Variants in NUDT13 observed in about 807,000 individuals in gnomAD.
NUDT13 encodes the protein nudix hydrolase 13, also known as NAD(P)H pyrophosphatase NUDT13, mitochondrial.
In NUDT13, 40 loss-of-function variants were observed where a neutral mutation model predicts 41.7. The ratio of observed to expected loss-of-function variants is 0.96; its 90% CI spans 0.75 to 1.25. NUDT13 has a LOEUF of 1.25. NUDT13 is among the 50% of genes most tolerant of loss of function. The pLI is 0.00. For synonymous variants in NUDT13, 145 were observed against 155.5 expected (o/e 0.93, Z 0.50); for missense variants, 390 against 416.1 (o/e 0.94, Z 0.55).
At chr10:73,112,837 CCT>C (rs1842401852) in intron 1 of NUDT13, among the ~76,000 whole-genome samples, 1 of 151,676 alleles carries the variant, frequency 6.6e-6, no homozygotes, top group African/African-American at 2.4e-5. Flanking sequence ...AGTCTCTCTC[CCT>C]GTTACTATAT....
intron 2 of NUDT13, among the ~76,000 whole-genome samples, chr10:73,115,638 C>T (rs1365538790): frequency 6.6e-6 from 1 of 151,914 alleles, no homozygotes; most frequent in Non-Finnish European, 1.5e-5. Flanking sequence ...AATGAATGAA[C>T]AGTAAGGGAG....
At chr10:73,121,000 G>T (rs1483915279) in intron 3 of NUDT13, among the ~76,000 whole-genome samples, 1 of 151,728 alleles carries the variant, frequency 6.6e-6, no homozygotes, top group African/African-American at 2.4e-5. Context: ...GATTAAAAGT[G>T]AATTAAAATG....
intron 8 of NUDT13, among the ~76,000 whole-genome samples, chr10:73,129,802 A>AC (rs1325382565): frequency 6.6e-6 from 1 of 151,722 alleles, no homozygotes; most frequent in Non-Finnish European, 1.5e-5. Context: ...ACATGGTGAA[A>AC]CCCCGTCTCT....
intron 2 of NUDT13, among the ~76,000 whole-genome samples, chr10:73,117,673 C>T (rs1842550382): frequency 6.6e-6 from 1 of 151,566 alleles, no homozygotes; most frequent in African/African-American, 2.4e-5. Flanking sequence ...TCTAAATATA[C>T]TTATATATGT....
chr10:73,121,274 T>C (rs552588231), intron 3 of NUDT13, among the ~76,000 whole-genome samples: 1 of 152,278 alleles, frequency 6.6e-6, no homozygotes, highest in East Asian at 1.9e-4. Flanking sequence ...ATGTGAACTT[T>C]CAGTTTTATA....
In NUDT13 at chr10:73,120,077, C is replaced by T. The variant is rs145352986; in HGVS notation, c.143C>T (p.Ala48Val). ...TGTAAAAAAGCCCAGCAAACAGGAGCGTTTTACCTCTTTCATAGTCTGGCT... is the reference window on the plus strand; with the variant it reads ...TGTAAAAAAGCCCAGCAAACAGGAGTGTTTTACCTCTTTCATAGTCTGGCT... ...DACKKAQQTG[A>V]FYLFHSLAPL... is the part of the protein sequence containing the mutation. The change falls in exon 3 of 9, where the codon GCG becomes GTG. Residue 48 changes from alanine to valine, a missense_variant. Transcript: ENST00000357321. 977 of 1,614,048 alleles carry T rather than the reference C, an allele frequency of 6.1e-4. 5 individuals carry two copies. Among genetic ancestry groups the T allele is most frequent in the African/African-American group, 2.4e-3 (183 of 75,032 alleles).
At position 73,130,879 on chromosome 10, in the gene NUDT13, G is replaced by C. The variant is rs778489353; in HGVS notation, c.1035G>C (p.Gln345His). The change falls in exon 9 of 9, where the codon CAG (glutamine) becomes CAC (histidine). Residue 345 changes from glutamine to histidine, a missense_variant. Physicochemically the swap from Gln to His is conservative, Grantham distance 24. Coordinates refer to ENST00000357321, the MANE Select transcript of NUDT13 (RefSeq NM_015901.6). ...TGATTAAGGAGTGGGTGGAAAAACA[G>C]ACCTGTTCTTCCCTGCCTGCTTAGC... ...HQLIKEWVEK[Q>H]TCSSLPA 6 of 1,613,638 alleles carry C rather than the reference G, an allele frequency of 3.7e-6. No individual in the cohort carries two copies. The highest frequency in any genetic ancestry group is 5.1e-6 in the Non-Finnish European group (6 of 1,179,870).
chr10:73,116,790 G>A (rs1842522876), intron 2 of NUDT13, among the ~76,000 whole-genome samples: 1 of 150,684 alleles, frequency 6.6e-6, no homozygotes. Context: ...ACATGAACAA[G>A]AGTGAACAAA....
chr10:73,126,889 G>A (rs1842800611), intron 8 of NUDT13, 62 bp downstream of exon 8: 2 of 1,406,914 alleles, frequency 1.4e-6, no homozygotes, highest in Non-Finnish European at 2.0e-6. Flanking sequence ...CTGCTCATCA[G>A]CAAGTACTTA....
intron 3 of NUDT13, 107 bp from the exon 4 acceptor site, chr10:73,122,068 C>A: frequency 2.3e-6 from 3 of 1,301,674 alleles, no homozygotes; most frequent in African/African-American, 1.5e-5. Context: ...CCAAGTATAC[C>A]CACTTTAAGC....
At chr10:73,111,289 C>A (rs1207115955) in intron 1 of NUDT13, among the ~76,000 whole-genome samples, 2 of 152,074 alleles carry the variant, frequency 1.3e-5, no homozygotes, top group Admixed American at 6.6e-5. Flanking sequence ...AAAAAAAGGT[C>A]TCTTAAATAC....
intron 7 of NUDT13, among the ~76,000 whole-genome samples, chr10:73,125,773 C>T (rs1589666506): frequency 1.3e-5 from 2 of 151,028 alleles, no homozygotes; most frequent in African/African-American, 4.9e-5. Flanking sequence ...CAGCCTCAAC[C>T]TTCTGGGTTC....
chr10:73,115,516 A>G (rs963955803), intron 2 of NUDT13, among the ~76,000 whole-genome samples: 12 of 152,200 alleles, frequency 7.9e-5, no homozygotes, highest in Non-Finnish European at 1.6e-4. Flanking sequence ...TATCTAAAAT[A>G]TCTCACACAC....
At chr10:73,125,051 C>A in intron 5 of NUDT13, 67 bp from the exon 6 acceptor site, 1 of 1,526,524 alleles carries the variant, frequency 6.6e-7, no homozygotes, top group Non-Finnish European at 8.8e-7. Context: ...GACACTAGGC[C>A]CAGTGCTGTT....
rs1173288904 is a variant in NUDT13 at position 73,116,584 on chromosome 10, A to T, written c.83+2136A>T. Among the ~76,000 whole-genome samples the T allele has an allele frequency of 2.0e-5, 3 of 152,172 alleles. No individual in the cohort carries two copies. The East Asian group carries it at 5.9e-4, about 30-fold the overall frequency. ...CATGGTGAAGCCGTCTCTACTAAAA[A>T]TACAAAAATTAGCCAGGAATGGTGG... On this transcript the variant is annotated intron_variant, in intron 2 of 8. Coordinates refer to ENST00000357321, the MANE Select transcript of NUDT13 (RefSeq NM_015901.6).
chr10:73,113,515 C>T (rs1842421839), intron 1 of NUDT13, among the ~76,000 whole-genome samples: 3 of 152,204 alleles, frequency 2.0e-5, no homozygotes, highest in African/African-American at 7.2e-5. Context: ...ATATTGCATA[C>T]TGCCTTCTGT....
intron 8 of NUDT13, among the ~76,000 whole-genome samples, chr10:73,127,171 G>C (rs1305867194): frequency 6.6e-6 from 1 of 152,138 alleles, no homozygotes; most frequent in African/African-American, 2.4e-5. Flanking sequence ...ACGAGGTCAG[G>C]AGTTCAAGAC....
Position 73,114,419 on chromosome 10 carries a change from G to A in NUDT13, c.54G>A (p.Arg18=). 6.3e-7 allele frequency: 1 copy of A among 1,592,214 alleles called. No homozygotes were observed. The highest frequency in any genetic ancestry group is 8.6e-7 in the Non-Finnish European group (1 of 1,166,746). The stretch of plus-strand genomic sequence containing the variant: ...GGAGAAAATTTTTTTGGTGCTATAG[G>A]CTGCTGTCAACCTATGTTACTAAGA... ...ACRRKFFWCY[R]LLSTYVTKTR... Residue 18 remains arginine (R), a synonymous_variant, in exon 2 of 9, where the codon AGG becomes AGA. Coordinates refer to ENST00000357321, the MANE Select transcript of NUDT13 (RefSeq NM_015901.6).
At chr10:73,110,657 G>A (rs1414747689) in intron 1 of NUDT13, 90 bp downstream of exon 1, 2 of 152,114 alleles carry the variant, frequency 1.3e-5, no homozygotes, top group African/African-American at 2.4e-5. Context: ...AAAAGGTCGT[G>A]GTCACAGCAT....
Sources: gnomAD v4.1 joint callset for allele counts (sites outside exome capture counted in the v4.1 genomes callset) on GRCh38, gnomAD v4.1.1 for gene constraint, MANE v1.5 for transcripts, NCBI Gene and HGNC (gene_info 2026-07-23, HGNC 2026-07-21) for gene names.